The following GAREM1 variants were observed in gnomAD, a reference collection of about 807,000 sequenced individuals.
GAREM1 encodes GRB2-associated and regulator of MAPK protein 1.
Under a neutral mutation model 71.3 loss-of-function variants are expected in GAREM1, and 26 were observed. The ratio of observed to expected loss-of-function variants is 0.36; its 90% CI spans 0.27 to 0.51. The LOEUF is 0.51. GAREM1 is among the 20% of genes least tolerant of loss of function. The pLI is 0.95. For synonymous variants in GAREM1, 440 were observed against 433.2 expected (o/e 1.02, Z -0.20); for missense variants, 1,026 against 1,103.1 (o/e 0.93, Z 0.99).
chr18:32,402,628 C>G (rs1225488499), intron 1 of GAREM1, among the ~76,000 whole-genome samples: 1 of 152,026 alleles, frequency 6.6e-6, no homozygotes, highest in East Asian at 1.9e-4. Context: ...AGCCTGTTCC[C>G]CCTGTCTCCT....
chr18:32,470,430 T>C lies in GAREM1; in HGVS notation c.-2A>G, dbSNP rs758240814. ...GCCCAGCGAGGGCGCCGGGTCCATC[T>C]TCCCCGAAGCCTCCTGTCCCGCGCT... On this transcript the variant is annotated 5_prime_UTR_variant, in exon 1 of 6. Coordinates refer to ENST00000269209, the MANE Select transcript of GAREM1 (RefSeq NM_001242409.2). This position sits in a 1 kb window ranked among gnomAD's most constrained non-coding sequence, Gnocchi z 4.4. The C allele has an allele frequency of 2.0e-6, 3 of 1,499,748 alleles. No individual in the cohort carries two copies. The highest frequency in any genetic ancestry group is 1.3e-5 in the South Asian group (1 of 78,222). 92.9% of individuals were successfully genotyped at this position (1,499,748 alleles called of 1,614,324 possible). A position where few individuals can be genotyped will look rare whatever the true frequency, so the allele number is the denominator to read the frequency against.
intron 4 of GAREM1, among the ~76,000 whole-genome samples, chr18:32,276,046 T>C (rs555621830): frequency 1.3e-5 from 2 of 152,364 alleles, no homozygotes; most frequent in Non-Finnish European, 2.9e-5. Flanking sequence ...TACTCTGGTG[T>C]TGATACAAGT....
At chr18:32,463,263 T>C (rs2048968880) in intron 1 of GAREM1, among the ~76,000 whole-genome samples, 1 of 152,174 alleles carries the variant, frequency 6.6e-6, no homozygotes, top group Non-Finnish European at 1.5e-5. Context: ...TATGTAAATA[T>C]TCACCTTACA....
intron 1 of GAREM1, among the ~76,000 whole-genome samples, chr18:32,462,573 C>T (rs1269453390): frequency 3.9e-5 from 6 of 152,082 alleles, no homozygotes; most frequent in South Asian, 2.1e-4. Flanking sequence ...CTTTTTGCTC[C>T]GTTGATTGTT....
intron 1 of GAREM1, among the ~76,000 whole-genome samples, chr18:32,461,180 G>A (rs1028409167): frequency 2.6e-5 from 4 of 152,114 alleles, no homozygotes; most frequent in Non-Finnish European, 5.9e-5. Flanking sequence ...TAGTAATATA[G>A]ATATCTTGGA....
intron 3 of GAREM1, among the ~76,000 whole-genome samples, chr18:32,292,998 C>T (rs981020545): frequency 4.6e-5 from 7 of 151,984 alleles, no homozygotes; most frequent in South Asian, 4.2e-4. Context: ...ACAGAGATTG[C>T]ATTTTGGAAG....
At chr18:32,451,718 C>A (rs1009995156) in intron 1 of GAREM1, among the ~76,000 whole-genome samples, 1 of 152,120 alleles carries the variant, frequency 6.6e-6, no homozygotes, top group African/African-American at 2.4e-5. Context: ...TCCAAAATGA[C>A]CAGAATAACC....
chr18:32,275,347 A>C (rs2041525617), intron 4 of GAREM1, among the ~76,000 whole-genome samples: 1 of 152,184 alleles, frequency 6.6e-6, no homozygotes. Context: ...TGGCAACACA[A>C]GGAGAGAGGG....
chr18:32,417,182 C>T (rs2048473657), intron 1 of GAREM1, among the ~76,000 whole-genome samples: 1 of 152,068 alleles, frequency 6.6e-6, no homozygotes, highest in Admixed American at 6.6e-5. Flanking sequence ...ATCATTTCAC[C>T]CCAGTTAAAA....
In GAREM1 at chr18:32,412,358, A is replaced by G. The variant is rs545438780; in HGVS notation, c.122-19323T>C. 1.4e-5 allele frequency: 23 copies of G among 1,592,834 alleles called. No homozygotes were observed. The South Asian group carries it at 2.1e-4, about 14-fold the overall frequency. ...CAAAATTTCCTCCCTTCATGGGTCC[A>G]AAATTTGAAGACTGATTGTTGTAAT... On this transcript the variant is annotated intron_variant, in intron 1 of 5. Transcript: ENST00000269209.
chr18:32,286,311 C>T (rs2047017376), intron 4 of GAREM1, among the ~76,000 whole-genome samples: 1 of 147,748 alleles, frequency 6.8e-6, no homozygotes, highest in Non-Finnish European at 1.5e-5. Flanking sequence ...ACCCTGGCAC[C>T]TGGTTCTGGA....
chr18:32,417,735 G>A (rs1417295355), intron 1 of GAREM1, among the ~76,000 whole-genome samples: 1 of 152,068 alleles, frequency 6.6e-6, no homozygotes, highest in East Asian at 1.9e-4. Flanking sequence ...AAGGTAGTGG[G>A]GGTGGGAGGA....
intron 1 of GAREM1, among the ~76,000 whole-genome samples, chr18:32,426,057 C>T (rs766285808): frequency 6.6e-6 from 1 of 152,070 alleles, no homozygotes; most frequent in African/African-American, 2.4e-5. Context: ...CTTGATCTGT[C>T]GCCCAGGCTG....
At position 32,267,740 on chromosome 18, in the gene GAREM1, T is replaced by C. The variant is rs149785327; in HGVS notation, c.*131A>G. 36 of 678,528 alleles carry C rather than the reference T, an allele frequency of 5.3e-5. No homozygotes were observed. The highest frequency in any genetic ancestry group is 8.2e-4 in the Middle Eastern group (2 of 2,450). The allele number at this position is 678,528 out of a possible 1,614,324, so 42.0% of individuals were successfully genotyped here. Reference sequence around the variant, plus strand: ...TCACCATTCAAAAACGTAATCTGCATAGTAAGAGTTTCTCTTATCCCTATT... The same window carrying C: ...TCACCATTCAAAAACGTAATCTGCACAGTAAGAGTTTCTCTTATCCCTATT... On this transcript the variant is annotated 3_prime_UTR_variant, in exon 6 of 6. Coordinates refer to ENST00000269209, the MANE Select transcript of GAREM1 (RefSeq NM_001242409.2).
rs568121378 is a variant in GAREM1, at chr18:32,435,485, T to C, written c.121+34823A>G. On this transcript the variant is annotated intron_variant, in intron 1 of 5. Transcript: ENST00000269209. ...ACAAAAGTTTTAATTTTAACATTAATTGGCTGTCTGAATACTAGATCACAT... is the reference window on the plus strand; with the variant it reads ...ACAAAAGTTTTAATTTTAACATTAACTGGCTGTCTGAATACTAGATCACAT... Among the ~76,000 whole-genome samples, 8 of 152,314 alleles carry C rather than the reference T, an allele frequency of 5.3e-5. No homozygotes were observed. The South Asian group carries it at 1.7e-3, about 32-fold the overall frequency.
At chr18:32,308,842 G>GT (rs1435236833) in intron 3 of GAREM1, among the ~76,000 whole-genome samples, 1 of 150,414 alleles carries the variant, frequency 6.6e-6, no homozygotes, top group Non-Finnish European at 1.5e-5. Context: ...CAAAGCAGCT[G>GT]TATTTTGGAA....
chr18:32,416,205 A>T (rs1325321191), intron 1 of GAREM1, among the ~76,000 whole-genome samples: 1 of 152,098 alleles, frequency 6.6e-6, no homozygotes, highest in Non-Finnish European at 1.5e-5. Flanking sequence ...TAAAACACTG[A>T]GGAAAGAAAT....
chr18:32,464,992 G>A (rs916461414), intron 1 of GAREM1, among the ~76,000 whole-genome samples: 2 of 152,114 alleles, frequency 1.3e-5, no homozygotes, highest in Admixed American at 1.3e-4. Flanking sequence ...CAAGTATAAC[G>A]TCTAGTTTTC....
chr18:32,470,460 C>T lies in GAREM1; in HGVS notation c.-32G>A. ...CGAAGCCTCCTGTCCCGCGCTCCCC[C>T]GCCGCCGCCACCGGCACCACCCGCG... On this transcript the variant is annotated 5_prime_UTR_variant, in exon 1 of 6. Coordinates refer to ENST00000269209, the MANE Select transcript of GAREM1 (RefSeq NM_001242409.2). The surrounding 1 kb of genome is among the most constrained non-coding windows in gnomAD (Gnocchi z 4.4). 7.7e-7 allele frequency: 1 copy of T among 1,290,512 alleles called. No individual in the cohort carries two copies. The highest frequency in any genetic ancestry group is 9.9e-7 in the Non-Finnish European group (1 of 1,005,900). The allele number at this position is 1,290,512 out of a possible 1,614,324, so 79.9% of individuals were successfully genotyped here. A position where few individuals can be genotyped will look rare whatever the true frequency, so the allele number is the denominator to read the frequency against.
Sources: gnomAD v4.1 joint callset for allele counts (sites outside exome capture counted in the v4.1 genomes callset) on GRCh38, gnomAD v4.1.1 for gene constraint, Gnocchi (gnomAD v3.1) non-coding constraint, MANE v1.5 for transcripts, NCBI Gene and HGNC (gene_info 2026-07-23, HGNC 2026-07-21) for gene names.